INPP5A: variants seen among roughly 807,000 people sequenced by gnomAD.
INPP5A encodes 43 kDa inositol polyphosphate 5-phophatase.
In INPP5A, 14 loss-of-function variants were observed where a neutral mutation model predicts 65.2. That is an observed-to-expected ratio of 0.21 (90% CI 0.14 to 0.34). The LOEUF is 0.34. INPP5A is among the 10% of genes least tolerant of loss of function. INPP5A has a pLI of 1.00. For missense variants in INPP5A, 431 were observed against 545.6 expected, an observed-to-expected ratio of 0.79 and a Z score of 2.09; for synonymous variants, 207 against 208.3, an observed-to-expected ratio of 0.99 and a Z score of 0.05.
chr10:132,774,610 C>T (rs1243755914), intron 12 of INPP5A, among the ~76,000 whole-genome samples: 1 of 152,144 alleles, frequency 6.6e-6, no homozygotes, highest in Non-Finnish European at 1.5e-5. Context: ...CAGCCCTGCC[C>T]CAAGACCTCG....
chr10:132,548,944 G>A (rs983416287), intron 1 of INPP5A, among the ~76,000 whole-genome samples: 3 of 151,972 alleles, frequency 2.0e-5, no homozygotes, highest in East Asian at 1.9e-4. Context: ...CCACAGGCGC[G>A]GCCACCATGC....
At chr10:132,712,993 AAG>A (rs202040458) in intron 8 of INPP5A, among the ~76,000 whole-genome samples, 3,722 of 138,870 alleles carry the variant, frequency 0.027, 139 homozygotes, top group African/African-American at 0.095. Flanking sequence ...CATGTGTGCT[AAG>A]GTGTATGCAT....
At chr10:132,749,291 G>A (rs942537420) in intron 9 of INPP5A, among the ~76,000 whole-genome samples, 14 of 149,576 alleles carry the variant, frequency 9.4e-5, no homozygotes, top group Non-Finnish European at 1.4e-4. Context: ...GTGTCCTCAC[G>A]GTTGCAGCCA....
chr10:132,637,092 A>G lies in INPP5A; in HGVS notation c.118-8776A>G, dbSNP rs991974902. 6.6e-5 allele frequency among the ~76,000 whole-genome samples: 10 copies of G among 152,020 alleles called. 1 individual carries two copies. Among genetic ancestry groups the G allele is most frequent in the Admixed American group, 2.0e-4 (3 of 15,254 alleles). On this transcript the variant is annotated intron_variant, in intron 2 of 15. Transcript: ENST00000368594. This position sits in a 1 kb window ranked among gnomAD's most constrained non-coding sequence, Gnocchi z 4.1. ...GCCACCAGGCCCAGCTAATTTTTGC[A>G]TTTTTAGTAGAGACGGGGTTTGACC...
chr10:132,780,085 CTCAT>C (rs1847134738), intron 13 of INPP5A, among the ~76,000 whole-genome samples: 1 of 152,370 alleles, frequency 6.6e-6, no homozygotes, highest in African/African-American at 2.4e-5. Context: ...AGCTTGTTTT[CTCAT>C]TCTTTCTGGC....
chr10:132,568,614 A>C (rs1478828661), intron 1 of INPP5A, among the ~76,000 whole-genome samples: 1 of 151,852 alleles, frequency 6.6e-6, no homozygotes, highest in Non-Finnish European at 1.5e-5. Context: ...AAAATTAGCC[A>C]TCCGTGGTGT....
chr10:132,670,982 A>G (rs368131015), intron 4 of INPP5A, among the ~76,000 whole-genome samples: 120 of 151,774 alleles, frequency 7.9e-4, no homozygotes, highest in African/African-American at 2.4e-3. Flanking sequence ...AGTCAGGTCT[A>G]ATTTATAACA....
At position 132,564,892 on chromosome 10, in the gene INPP5A, C is replaced by T. The variant is rs2133274788; in HGVS notation, c.75+26721C>T. ...CCCCGTATGCCTGGGCCTGTGCTGG[C>T]CGTGAGAATTCCACCCATGGGCTCT... On this transcript the variant is annotated intron_variant, in intron 1 of 15. Coordinates refer to ENST00000368594, the MANE Select transcript of INPP5A (RefSeq NM_005539.5). 1.3e-5 allele frequency among the ~76,000 whole-genome samples: 2 copies of T among 152,210 alleles called. 1 individual carries two copies. Among genetic ancestry groups the T allele is most frequent in the South Asian group, 4.1e-4 (2 of 4,820 alleles).
At position 132,704,151 on chromosome 10, in the gene INPP5A, G is replaced by A. The variant is rs1845494150; in HGVS notation, c.475-4162G>A. On this transcript the variant is annotated intron_variant, in intron 6 of 15. Coordinates refer to ENST00000368594, the MANE Select transcript of INPP5A (RefSeq NM_005539.5). This position sits in a 1 kb window ranked among gnomAD's most constrained non-coding sequence, Gnocchi z 4.5. ...CCAGTCCCCCCAGACAGGAGGTGTC[G>A]AGGCACGGAAGATGAGCTGCTGGTG... Among the ~76,000 whole-genome samples, 2 of 151,978 alleles carry A rather than the reference G, an allele frequency of 1.3e-5. No homozygotes were observed. The highest frequency in any genetic ancestry group is 2.1e-4 in the South Asian group (1 of 4,814).
chr10:132,703,471 A>C lies in INPP5A; in HGVS notation c.475-4842A>C, dbSNP rs1204037386. On this transcript the variant is annotated intron_variant, in intron 6 of 15. Transcript: ENST00000368594. ...CCACACACATGCTTCACCCACAGAC[A>C]CACGTGGCTTCACCCCCCACACAGT... Among the ~76,000 whole-genome samples, 3 of 121,646 alleles carry C rather than the reference A, an allele frequency of 2.5e-5. No homozygotes were observed. In the East Asian group the frequency reaches 8.0e-4, roughly 32 times the overall value. 79.8% of individuals were successfully genotyped at this position (121,646 alleles called of 152,430 possible).
At chr10:132,671,972 C>T (rs2133439225) in intron 4 of INPP5A, among the ~76,000 whole-genome samples, 1 of 152,250 alleles carries the variant, frequency 6.6e-6, no homozygotes. Flanking sequence ...GGGTGGACAG[C>T]ATTGATTAGA....
intron 1 of INPP5A, among the ~76,000 whole-genome samples, chr10:132,573,285 T>C (rs1170383776): frequency 2.1e-5 from 3 of 144,446 alleles, no homozygotes; most frequent in Non-Finnish European, 4.5e-5. Context: ...TTTGTTGATG[T>C]TGGGGTGTGT....
chr10:132,756,615 A>G (rs910437393), intron 11 of INPP5A, among the ~76,000 whole-genome samples: 2 of 152,258 alleles, frequency 1.3e-5, no homozygotes, highest in African/African-American at 4.8e-5. Flanking sequence ...TGGCACACTC[A>G]GGGATGCGCA....
intron 9 of INPP5A, among the ~76,000 whole-genome samples, chr10:132,745,737 G>A (rs1846358948): frequency 1.3e-5 from 2 of 150,458 alleles, no homozygotes; most frequent in African/African-American, 4.9e-5. Context: ...CGGGCGTGGT[G>A]GGCCTCAGCT....
Position 132,650,291 on chromosome 10 carries a change from G to C in INPP5A, c.219-127G>C. The C allele has an allele frequency of 1.5e-6, 1 of 682,400 alleles. No homozygotes were observed. Among genetic ancestry groups the C allele is most frequent in the East Asian group, 2.7e-5 (1 of 37,318 alleles). The allele number at this position is 682,400 out of a possible 1,614,324, so 42.3% of individuals were successfully genotyped here. On this transcript the variant is annotated intron_variant, in intron 3 of 15. Transcript: ENST00000368594. This position sits in a 1 kb window ranked among gnomAD's most constrained non-coding sequence, Gnocchi z 5.5. ...TGCCGCCATTCCCTGCCCTCTGCCT[G>C]TCACGGGTGGATGGTCTCACGGTGA...
At position 132,781,961 on chromosome 10, in the gene INPP5A, C is replaced by CGGGA; in HGVS notation, c.*7+13_*7+14insGGGA. ...CAGTGACGTGGTGGTAAATATGACT[C>CGGGA]CTCCCTCCAGTTCAGCTTTTACGCA... On this transcript the variant is annotated intron_variant, in intron 15 of 15. Transcript: ENST00000368594. 1.9e-6 allele frequency: 3 copies of CGGGA among 1,612,714 alleles called. No individual in the cohort carries two copies. Among genetic ancestry groups the CGGGA allele is most frequent in the Non-Finnish European group, 2.5e-6 (3 of 1,179,032 alleles).
At chr10:132,776,685 T>G (rs544860416) in intron 12 of INPP5A, among the ~76,000 whole-genome samples, 1 of 152,264 alleles carries the variant, frequency 6.6e-6, no homozygotes, top group South Asian at 2.1e-4. Context: ...CAAGTGGAAT[T>G]CGTTACCACT....
At chr10:132,720,751 G>A (rs192872036) in intron 8 of INPP5A, among the ~76,000 whole-genome samples, 18 of 151,108 alleles carry the variant, frequency 1.2e-4, no homozygotes, top group Non-Finnish European at 2.1e-4. Context: ...GGGCGCCTTA[G>A]ACGGCTGTCT....
chr10:132,630,807 G>A (rs1160377870), intron 2 of INPP5A, among the ~76,000 whole-genome samples: 5 of 151,732 alleles, frequency 3.3e-5, no homozygotes, highest in South Asian at 2.1e-4. Context: ...CGGCGGGGGC[G>A]GCGGGGGACG....
Sources: allele counts gnomAD v4.1 joint callset (sites outside exome capture counted in the v4.1 genomes callset), GRCh38; gene constraint gnomAD v4.1.1; non-coding constraint Gnocchi (gnomAD v3.1); transcripts MANE v1.5; gene names NCBI Gene and HGNC (gene_info 2026-07-23, HGNC 2026-07-21).